COL5A2: variants seen among roughly 807,000 people sequenced by gnomAD.
COL5A2 encodes collagen type V alpha 2 chain.
COL5A2 carries 23 observed loss-of-function variants against 208.2 expected under a neutral mutation model. The observed-to-expected ratio is 0.11, with a 90% CI of 0.08 to 0.16. The LOEUF (loss-of-function observed/expected upper bound fraction) is 0.16, where lower values mean the gene tolerates loss of function less well. Among genes scored for constraint, COL5A2 ranks in the 10% least tolerant of loss-of-function variants. COL5A2 has a pLI of 1.00. For synonymous variants in COL5A2, 625 were observed against 628.5 expected, an observed-to-expected ratio of 0.99 and a Z score of 0.08; for missense variants, 1,590 against 1,956.4, an observed-to-expected ratio of 0.81 and a Z score of 3.53.
chr2:189,097,301 T>A lies in COL5A2; in HGVS notation c.432A>T (p.Gly144=). The A allele has an allele frequency of 6.2e-7, 1 of 1,614,128 alleles. No homozygotes were observed. Among genetic ancestry groups the A allele is most frequent in the Non-Finnish European group, 8.5e-7 (1 of 1,180,018 alleles). The change falls in exon 6 of 54, where the codon GGA becomes GGT. Residue 144 remains glycine, a synonymous_variant. Coordinates refer to ENST00000374866, the MANE Select transcript of COL5A2 (RefSeq NM_000393.5). ...CAGGTCTTCCTTTTGGCCCTCGCTC[T>A]CCTCTTGGTCCCTGTGATCCTGGAG... ...AGPPGSQGPR[G]ERGPKGRPGP... is the part of the protein sequence containing the mutation.
the COL5A2 span, among the ~76,000 whole-genome samples, chr2:189,350,770 C>G: frequency 6.6e-6 from 1 of 152,150 alleles, no homozygotes; most frequent in African/African-American, 2.4e-5. Flanking sequence ...CAGGAGACTG[C>G]TGAGAAAATA....
chr2:189,391,508 T>C, the COL5A2 span, among the ~76,000 whole-genome samples: 1 of 152,014 alleles, frequency 6.6e-6, no homozygotes, highest in African/African-American at 2.4e-5. Context: ...AAAATAGCAA[T>C]CTAGTGTATC....
At chr2:189,265,509 A>G in the COL5A2 span, among the ~76,000 whole-genome samples, 5 of 152,202 alleles carry the variant, frequency 3.3e-5, no homozygotes, top group African/African-American at 1.2e-4. Flanking sequence ...GACACCAGTC[A>G]GTGGATTAGG....
At chr2:189,412,025 C>G in the COL5A2 span, among the ~76,000 whole-genome samples, 1 of 152,228 alleles carries the variant, frequency 6.6e-6, no homozygotes, top group East Asian at 1.9e-4. Flanking sequence ...GCACCAAATG[C>G]CTTCTCAGAG....
At chr2:189,095,629 A>C (rs1230007594) in intron 6 of COL5A2, among the ~76,000 whole-genome samples, 1 of 152,170 alleles carries the variant, frequency 6.6e-6, no homozygotes, top group African/African-American at 2.4e-5. Flanking sequence ...ATAAGTGAGA[A>C]GGGTTGGGGA....
At chr2:189,094,215 C>T (rs1434037671) in intron 6 of COL5A2, among the ~76,000 whole-genome samples, 1 of 152,104 alleles carries the variant, frequency 6.6e-6, no homozygotes, top group Non-Finnish European at 1.5e-5. Context: ...ATGAAATTTA[C>T]TGTTGCACAG....
the COL5A2 span, among the ~76,000 whole-genome samples, chr2:189,317,322 A>G: frequency 6.6e-6 from 1 of 152,156 alleles, no homozygotes; most frequent in East Asian, 1.9e-4. Flanking sequence ...TATAAATTAT[A>G]AGAAACACTC....
the COL5A2 span, among the ~76,000 whole-genome samples, chr2:189,271,239 G>A: frequency 2.6e-5 from 4 of 151,958 alleles, no homozygotes; most frequent in African/African-American, 4.8e-5. Flanking sequence ...GAGCCATCAC[G>A]CTACCTGACT....
intron 3 of COL5A2, among the ~76,000 whole-genome samples, chr2:189,104,036 G>A (rs1331223447): frequency 6.6e-6 from 1 of 151,932 alleles, no homozygotes; most frequent in Non-Finnish European, 1.5e-5. Flanking sequence ...ACAACTTTCT[G>A]GCAGAAACAG....
intron 1 of COL5A2, among the ~76,000 whole-genome samples, chr2:189,198,320 T>C (rs1689032135): frequency 1.3e-5 from 2 of 152,218 alleles, no homozygotes; most frequent in Admixed American, 6.5e-5. Context: ...GGCAATCATT[T>C]ATGTTTTGCA....
chr2:189,208,850 GGATTAT>G (rs1236570103), intron 1 of COL5A2, among the ~76,000 whole-genome samples: 14 of 152,192 alleles, frequency 9.2e-5, no homozygotes, highest in Non-Finnish European at 1.5e-4. Context: ...CTGGTTCTTT[GGATTAT>G]AAAGGGAAAC....
intron 51 of COL5A2, 122 bp downstream of exon 51, chr2:189,039,150 G>T: frequency 8.1e-7 from 1 of 1,237,880 alleles, no homozygotes; most frequent in Non-Finnish European, 1.2e-6. Flanking sequence ...TCCATGATAT[G>T]TTTACTATTT....
chr2:189,136,534 A>G (rs1174036416), intron 1 of COL5A2, among the ~76,000 whole-genome samples: 2 of 150,330 alleles, frequency 1.3e-5, no homozygotes, highest in African/African-American at 4.9e-5. Context: ...GTATATAAAA[A>G]TATCATACAT....
At chr2:189,387,735 A>T in the COL5A2 span, among the ~76,000 whole-genome samples, 2 of 152,196 alleles carry the variant, frequency 1.3e-5, no homozygotes, top group African/African-American at 4.8e-5. Flanking sequence ...TGGCAAAAAA[A>T]AGTTGTTGTT....
At chr2:189,338,198 C>G in the COL5A2 span, among the ~76,000 whole-genome samples, 1 of 152,120 alleles carries the variant, frequency 6.6e-6, no homozygotes. Flanking sequence ...CATAGTCCCC[C>G]TTGCATATCC....
the COL5A2 span, among the ~76,000 whole-genome samples, chr2:189,403,279 G>A: frequency 1.9e-4 from 29 of 152,318 alleles, no homozygotes; most frequent in Non-Finnish European, 2.2e-4. Flanking sequence ...AGACTTTGGC[G>A]AAATTGCTTA....
the COL5A2 span, among the ~76,000 whole-genome samples, chr2:189,429,601 C>T: frequency 1.1e-4 from 17 of 152,318 alleles, no homozygotes; most frequent in East Asian, 3.3e-3. Context: ...CTTGTAGCAA[C>T]TCCACAGGCT....
At chr2:189,086,799 A>C in intron 8 of COL5A2, 29 bp from the exon 9 acceptor site, 1 of 1,558,792 alleles carries the variant, frequency 6.4e-7, no homozygotes, top group African/African-American at 1.4e-5. Flanking sequence ...GAAACGTTGC[A>C]AAGTACTCAT....
At chr2:189,254,442 C>G in the COL5A2 span, among the ~76,000 whole-genome samples, 1 of 152,210 alleles carries the variant, frequency 6.6e-6, no homozygotes, top group Non-Finnish European at 1.5e-5. Flanking sequence ...CACTGTTCCA[C>G]TAAAATATTT....
Sources: gnomAD v4.1 joint callset for allele counts (sites outside exome capture counted in the v4.1 genomes callset) on GRCh38, gnomAD v4.1.1 for gene constraint, MANE v1.5 for transcripts, NCBI Gene and HGNC (gene_info 2026-07-23, HGNC 2026-07-21) for gene names.